The following MICAL3 variants were observed in gnomAD, a reference collection of about 807,000 sequenced individuals.
The protein encoded by MICAL3 is microtubule associated monooxygenase, calponin and LIM domain containing 3, also known as [F-actin]-monooxygenase MICAL3.
A neutral mutation model predicts 207.4 loss-of-function variants in MICAL3; 62 were observed. That is an observed-to-expected ratio of 0.30 (90% CI 0.24 to 0.37). The LOEUF is 0.37. Ranked by LOEUF, MICAL3 falls within the 10% of genes least tolerant of loss-of-function variation. MICAL3 has a pLI of 1.00. For synonymous variants in MICAL3, 1,077 were observed against 1,069.3 expected, an observed-to-expected ratio of 1.01 and a Z score of -0.14; for missense variants, 2,368 against 2,635.6, an observed-to-expected ratio of 0.90 and a Z score of 2.22.
chr22:17,825,529 C>T (rs191301556), intron 22 of MICAL3, among the ~76,000 whole-genome samples: 137 of 152,290 alleles, frequency 9.0e-4, no homozygotes, highest in African/African-American at 3.2e-3. Context: ...GCCGTCTCTG[C>T]GCAAAGAGCA....
At chr22:17,807,803 T>A (rs1204514137) in intron 29 of MICAL3, among the ~76,000 whole-genome samples, 4 of 152,108 alleles carry the variant, frequency 2.6e-5, no homozygotes, top group African/African-American at 9.7e-5. Flanking sequence ...CCTGGCCGCC[T>A]CCTCCCAGTT....
chr22:17,845,887 A>C (rs1025105188), intron 19 of MICAL3, among the ~76,000 whole-genome samples: 2 of 152,246 alleles, frequency 1.3e-5, no homozygotes, highest in Non-Finnish European at 2.9e-5. Context: ...GGCATCTGGA[A>C]TGACAGACAC....
chr22:17,882,671 T>C (rs1929546090), intron 16 of MICAL3, among the ~76,000 whole-genome samples: 1 of 152,250 alleles, frequency 6.6e-6, no homozygotes, highest in Non-Finnish European at 1.5e-5. Flanking sequence ...CCCTGCCACC[T>C]GGTAAATTCG....
At chr22:17,870,970 A>C (rs1355861263) in intron 17 of MICAL3, among the ~76,000 whole-genome samples, 1 of 152,096 alleles carries the variant, frequency 6.6e-6, no homozygotes, top group Non-Finnish European at 1.5e-5. Context: ...ATATGACCTC[A>C]CTTTATAATC....
At chr22:17,896,142 A>T (rs1930806057) in intron 9 of MICAL3, 104 bp downstream of exon 9, 3 of 611,972 alleles carry the variant, frequency 4.9e-6, no homozygotes, top group Non-Finnish European at 8.8e-6. Context: ...TTTAATTAAG[A>T]AGGCAGAGAA....
In MICAL3 at chr22:17,841,431, C is replaced by T. The variant is rs76740017; in HGVS notation, c.2801+391G>A. The T allele has an allele frequency of 3.0e-3, 1,098 of 367,764 alleles. 9 individuals are homozygous for T. Among genetic ancestry groups the T allele is most frequent in the African/African-American group, 0.02 (1,003 of 49,488 alleles). 22.8% of individuals were successfully genotyped at this position (367,764 alleles called of 1,614,324 possible). On this transcript the variant is annotated intron_variant, in intron 20 of 31. Coordinates refer to ENST00000441493, the MANE Select transcript of MICAL3 (RefSeq NM_015241.3). The surrounding 1 kb of genome is among the most constrained non-coding windows in gnomAD (Gnocchi z 4.2). ...AGGAGAAAAAAAGATGCCTGGGGGA[C>T]GGACTAGGCCTCCCTCAAGACGGCC... is the stretch of plus-strand genomic sequence containing the variant.
intron 19 of MICAL3, chr22:17,860,878 A>T (rs1450405406): frequency 1.0e-6 from 1 of 985,358 alleles, no homozygotes; most frequent in Non-Finnish European, 1.2e-6. Context: ...CGTGGTTCTC[A>T]GAACCAGGAA....
chr22:17,803,739 A>G (rs2061962479), intron 29 of MICAL3: 1 of 738,292 alleles, frequency 1.4e-6, no homozygotes, highest in South Asian at 6.1e-5. Context: ...TTTTGTGAGC[A>G]GGGACTGGGA....
rs974813010 is a variant in MICAL3 at position 17,851,348 on chromosome 22, T to C, written c.2606-9331A>G. Among the ~76,000 whole-genome samples the C allele has an allele frequency of 6.6e-5, 10 of 152,296 alleles. No individual in the cohort carries two copies. The East Asian group carries it at 1.9e-3, about 29-fold the overall frequency. The stretch of plus-strand genomic sequence containing the variant: ...ACCCGATCCTGCTTCCGGCTCCACT[T>C]GACACCCTTGAAGGGCTTTTATACA... On this transcript the variant is annotated intron_variant, in intron 19 of 31. Coordinates refer to ENST00000441493, the MANE Select transcript of MICAL3 (RefSeq NM_015241.3).
At chr22:17,853,010 G>A (rs939437876) in intron 19 of MICAL3, among the ~76,000 whole-genome samples, 4 of 151,956 alleles carry the variant, frequency 2.6e-5, no homozygotes, top group Non-Finnish European at 5.9e-5. Flanking sequence ...GGGAGATGGA[G>A]GCTGCAGTGA....
chr22:17,854,737 C>G (rs1473874352), intron 19 of MICAL3, among the ~76,000 whole-genome samples: 5 of 152,192 alleles, frequency 3.3e-5, no homozygotes, highest in African/African-American at 1.2e-4. Flanking sequence ...CCTGCACATC[C>G]CCTACCCCTC....
Position 17,887,367 on chromosome 22 carries a change from G to A in MICAL3, c.1960C>T (p.Leu654=), listed in dbSNP as rs778263556. The A allele has an allele frequency of 6.2e-7, 1 of 1,614,024 alleles. No individual in the cohort carries two copies. Among genetic ancestry groups the A allele is most frequent in the African/African-American group, 1.3e-5 (1 of 75,058 alleles). The part of the protein sequence containing the change: ...IASTRSPISF[L]SKLGQTISRK... ...GAGATGGTCTGGCCAAGTTTGCTTA[G>A]GAAGGAGATAGGGGATCTGGTGCTG... The change falls in exon 14 of 32, where the codon CTA becomes TTA. Residue 654 remains leucine (L), a synonymous_variant. Transcript: ENST00000441493.
intron 29 of MICAL3, among the ~76,000 whole-genome samples, chr22:17,802,398 G>A (rs1469789505): frequency 6.6e-6 from 1 of 152,166 alleles, no homozygotes; most frequent in Non-Finnish European, 1.5e-5. Context: ...ACACTCCCGA[G>A]GTGGTGTTAG....
chr22:17,796,587 A>G lies in MICAL3; in HGVS notation c.5651-5286T>C, dbSNP rs2061878815. Among the ~76,000 whole-genome samples, 1 of 152,242 alleles carries G rather than the reference A, an allele frequency of 6.6e-6. No individual in the cohort carries two copies. Among genetic ancestry groups the G allele is most frequent in the African/African-American group, 2.4e-5 (1 of 41,464 alleles). ...ACTCAGAGCTTTCCCTCTTCAACACAGGCTCCAGGCAAATGTAACAAATGC... is the reference window on the plus strand; with the variant it reads ...ACTCAGAGCTTTCCCTCTTCAACACGGGCTCCAGGCAAATGTAACAAATGC... On this transcript the variant is annotated intron_variant, in intron 29 of 31. Transcript: ENST00000441493. The surrounding 1 kb of genome is among the most constrained non-coding windows in gnomAD (Gnocchi z 4.4).
In MICAL3 at chr22:17,789,738, T is replaced by C. The variant is rs1569063845; in HGVS notation, c.*994A>G. On this transcript the variant is annotated 3_prime_UTR_variant, in exon 32 of 32. Transcript: ENST00000441493. ...GCGTAGGACGCACCAGATGCCGCTG[T>C]GGCTCCCGCACCCGGGCGCAGGTGA... 1 of 152,280 alleles carries C rather than the reference T, an allele frequency of 6.6e-6. No individual in the cohort carries two copies. The highest frequency in any genetic ancestry group is 1.5e-5 in the Non-Finnish European group (1 of 68,048). 9.4% of individuals were successfully genotyped at this position (152,280 alleles called of 1,614,324 possible).
chr22:17,999,573 C>A (rs1223710639), intron 1 of MICAL3, among the ~76,000 whole-genome samples: 1 of 152,108 alleles, frequency 6.6e-6, no homozygotes, highest in African/African-American at 2.4e-5. Context: ...AAGTTCTTCA[C>A]GTACATTATT....
In MICAL3 at chr22:17,832,587, A is replaced by G. The variant is rs567407921; in HGVS notation, c.2802-480T>C. Among the ~76,000 whole-genome samples, 7 of 152,318 alleles carry G rather than the reference A, an allele frequency of 4.6e-5. No homozygotes were observed. In the East Asian group the frequency reaches 1.4e-3, roughly 29 times the overall value. ...GTTTCATAGACGGCCTCGAGGGCAC[A>G]AGCAGGGCAGTGGACTCATTCTGAT... On this transcript the variant is annotated intron_variant, in intron 20 of 31. Coordinates refer to ENST00000441493, the MANE Select transcript of MICAL3 (RefSeq NM_015241.3).
chr22:17,799,906 CACAA>C (rs968053983), intron 29 of MICAL3, among the ~76,000 whole-genome samples: 10 of 144,000 alleles, frequency 6.9e-5, no homozygotes, highest in African/African-American at 1.4e-4. Flanking sequence ...ATCTAAAACA[CACAA>C]ACACACACAC....
intron 1 of MICAL3, among the ~76,000 whole-genome samples, chr22:18,018,851 C>T (rs1031023553): frequency 2.0e-5 from 3 of 152,136 alleles, no homozygotes; most frequent in Non-Finnish European, 4.4e-5. Context: ...CAAATCTTCC[C>T]TTCACTACAC....
Sources: allele counts gnomAD v4.1 joint callset (sites outside exome capture counted in the v4.1 genomes callset), GRCh38; gene constraint gnomAD v4.1.1; non-coding constraint Gnocchi (gnomAD v3.1); transcripts MANE v1.5; gene names NCBI Gene and HGNC (gene_info 2026-07-23, HGNC 2026-07-21).